Variants in FRMD4B observed in about 807,000 individuals in gnomAD.
FRMD4B encodes FERM domain-containing protein 4B.
Under a neutral mutation model 141.5 loss-of-function variants are expected in FRMD4B, and 74 were observed. The ratio of observed to expected loss-of-function variants is 0.52; its 90% CI spans 0.43 to 0.63. The LOEUF is 0.63. Among genes scored for constraint, FRMD4B ranks in the 30% least tolerant of loss-of-function variants. The pLI is 0.00. For missense variants in FRMD4B, 1,366 were observed against 1,253.4 expected, an observed-to-expected ratio of 1.09 and a Z score of -1.36; for synonymous variants, 506 against 467.9, an observed-to-expected ratio of 1.08 and a Z score of -1.05.
chr3:69,200,480 C>T (rs1013245138), intron 11 of FRMD4B: 9 of 991,162 alleles, frequency 9.1e-6, no homozygotes, highest in Middle Eastern at 5.1e-4. Flanking sequence ...CCGCCCTCCC[C>T]CCTCCCAGAC....
chr3:69,233,053 G>A (rs554403769), intron 7 of FRMD4B, among the ~76,000 whole-genome samples: 51 of 151,220 alleles, frequency 3.4e-4, no homozygotes, highest in East Asian at 1.4e-3. Context: ...CACCAGCTCC[G>A]CATTTCACTT....
In FRMD4B at chr3:69,492,678, G is replaced by C. The variant is rs79941031; in HGVS notation, c.-129+49528C>G. ...CTAATTTACCTGATTTGTAATTTCAGAGTTTCATAAAGTGAAGGCACAACT... is the reference window on the plus strand; with the variant it reads ...CTAATTTACCTGATTTGTAATTTCACAGTTTCATAAAGTGAAGGCACAACT... On this transcript the variant is annotated intron_variant, in intron 1 of 5. Coordinates refer to the FRMD4B transcript ENST00000459638. Among the ~76,000 whole-genome samples, 428 of 152,298 alleles carry C rather than the reference G, an allele frequency of 2.8e-3. 1 individual carries two copies. The highest frequency in any genetic ancestry group is 9.6e-3 in the African/African-American group (400 of 41,574).
chr3:69,430,780 C>A (rs1559525795), intron 2 of FRMD4B, among the ~76,000 whole-genome samples: 1 of 152,226 alleles, frequency 6.6e-6, no homozygotes, highest in African/African-American at 2.4e-5. Flanking sequence ...TCTGTGCATC[C>A]TCTCTTAAAC....
chr3:69,241,875 A>AT (rs1358877092), intron 7 of FRMD4B, among the ~76,000 whole-genome samples: 1 of 88,022 alleles, frequency 1.1e-5, no homozygotes, highest in Non-Finnish European at 2.5e-5. Flanking sequence ...TCTCAAAAAA[A>AT]CAAAACAAAA....
intron 1 of FRMD4B, among the ~76,000 whole-genome samples, chr3:69,487,027 G>A (rs374122626): frequency 3.9e-5 from 6 of 152,088 alleles, no homozygotes; most frequent in African/African-American, 4.8e-5. Context: ...TTAAGATAAC[G>A]TCTGACAGGG....
intron 7 of FRMD4B, among the ~76,000 whole-genome samples, chr3:69,240,698 CA>C (rs1000604672): frequency 1.3e-4 from 20 of 151,932 alleles, no homozygotes; most frequent in Non-Finnish European, 1.2e-4. Context: ...CCTGATCACA[CA>C]AAAAAATGGA....
At chr3:69,248,941 TA>T (rs1199057757) in intron 7 of FRMD4B, among the ~76,000 whole-genome samples, 2 of 152,262 alleles carry the variant, frequency 1.3e-5, no homozygotes, top group Admixed American at 1.3e-4. Context: ...CAAAGCTTTT[TA>T]TAGATTTCTT....
chr3:69,265,105 A>G (rs2093552168), intron 5 of FRMD4B, among the ~76,000 whole-genome samples: 2 of 150,528 alleles, frequency 1.3e-5, no homozygotes, highest in Non-Finnish European at 3.0e-5. Context: ...ATACAAAAAA[A>G]TTAGCCGGGG....
chr3:69,512,953 T>C (rs1157611844), intron 1 of FRMD4B, among the ~76,000 whole-genome samples: 1 of 152,034 alleles, frequency 6.6e-6, no homozygotes, highest in Non-Finnish European at 1.5e-5. Context: ...ATGCATATAT[T>C]AAAAAAGAAG....
intron 1 of FRMD4B, among the ~76,000 whole-genome samples, chr3:69,315,637 T>C (rs1383874573): frequency 6.6e-6 from 1 of 152,244 alleles, no homozygotes; most frequent in Non-Finnish European, 1.5e-5. Context: ...CTTTCCAATG[T>C]CAGCACATAT....
intron 1 of FRMD4B, among the ~76,000 whole-genome samples, chr3:69,456,167 T>G (rs1378555559): frequency 6.6e-6 from 1 of 151,458 alleles, no homozygotes; most frequent in Non-Finnish European, 1.5e-5. Context: ...GCTCCCTACC[T>G]CTTCCTTTCT....
At chr3:69,448,835 A>T (rs1575805728) in intron 1 of FRMD4B, among the ~76,000 whole-genome samples, 2 of 152,276 alleles carry the variant, frequency 1.3e-5, no homozygotes, top group East Asian at 3.9e-4. Flanking sequence ...GAATGTCCAC[A>T]TTTTTATTTT....
intron 1 of FRMD4B, among the ~76,000 whole-genome samples, chr3:69,342,033 T>C (rs1445181489): frequency 6.6e-6 from 1 of 152,230 alleles, no homozygotes; most frequent in Non-Finnish European, 1.5e-5. Context: ...CTTAGGGCTG[T>C]AGTTCTTAAG....
intron 1 of FRMD4B, among the ~76,000 whole-genome samples, chr3:69,493,005 T>G (rs1179149906): frequency 6.6e-6 from 1 of 152,220 alleles, no homozygotes; most frequent in Non-Finnish European, 1.5e-5. Context: ...TTAGGATTCT[T>G]AAGAGACTGG....
intron 18 of FRMD4B, among the ~76,000 whole-genome samples, chr3:69,189,641 G>T (rs946053696): frequency 6.6e-6 from 1 of 152,180 alleles, no homozygotes; most frequent in Non-Finnish European, 1.5e-5. Flanking sequence ...CTTACTGAGA[G>T]ACTTAGATAC....
chr3:69,208,052 GTATTTT>G (rs1209049921), intron 11 of FRMD4B, among the ~76,000 whole-genome samples: 3 of 151,202 alleles, frequency 2.0e-5, no homozygotes, highest in Non-Finnish European at 3.0e-5. Context: ...GCTAATTTTT[GTATTTT>G]TATTTTTATT....
chr3:69,295,025 A>G (rs1284624104), intron 4 of FRMD4B, among the ~76,000 whole-genome samples: 3 of 152,340 alleles, frequency 2.0e-5, no homozygotes, highest in South Asian at 2.1e-4. Flanking sequence ...CGCCCACTGA[A>G]CATGTGGTTG....
intron 5 of FRMD4B, among the ~76,000 whole-genome samples, chr3:69,253,755 G>T (rs552736874): frequency 1.8e-4 from 27 of 152,146 alleles, no homozygotes; most frequent in Non-Finnish European, 8.8e-5. Flanking sequence ...CACCTCTCTA[G>T]TACTAATTGA....
intron 17 of FRMD4B, among the ~76,000 whole-genome samples, chr3:69,191,551 T>C (rs867360304): frequency 2.1e-3 from 17 of 7,994 alleles, no homozygotes; most frequent in Non-Finnish European, 8.8e-3. Flanking sequence ...TCTAGGCAAA[T>C]ATAATCCTCA....
Sources: gnomAD v4.1 joint callset for allele counts (sites outside exome capture counted in the v4.1 genomes callset) on GRCh38, gnomAD v4.1.1 for gene constraint, MANE v1.5 for transcripts, NCBI Gene and HGNC (gene_info 2026-07-23, HGNC 2026-07-21) for gene names.